Variants in CSMD1 observed in about 807,000 individuals in gnomAD.
The protein encoded by CSMD1 is CUB and Sushi multiple domains 1.
CSMD1 carries 213 observed loss-of-function variants against 417.5 expected under a neutral mutation model. The observed-to-expected ratio is 0.51, with a 90% confidence interval of 0.46 to 0.57. The LOEUF (loss-of-function observed/expected upper bound fraction) is 0.57, where lower values mean the gene tolerates loss of function less well. CSMD1 is among the 20% of genes least tolerant of loss of function. The pLI, the probability that CSMD1 is intolerant of heterozygous loss-of-function variation, is 0.00. For synonymous variants in CSMD1, 2,862 were observed against 1,736.8 expected (o/e 1.65, Z -16.11); for missense variants, 6,923 against 4,529.7 (o/e 1.53, Z -15.17).
intron 1 of CSMD1, among the ~76,000 whole-genome samples, chr8:4,915,161 T>TTA (rs1411411095): frequency 1.3e-5 from 2 of 152,128 alleles, no homozygotes; most frequent in Non-Finnish European, 2.9e-5. Flanking sequence ...ATGCTTATGA[T>TTA]TATATATATA....
chr8:3,543,127 T>A (rs1402818670), intron 10 of CSMD1, among the ~76,000 whole-genome samples: 1 of 152,154 alleles, frequency 6.6e-6, no homozygotes, highest in African/African-American at 2.4e-5. Context: ...TCCTGAAGGA[T>A]GATCCCAGAC....
intron 3 of CSMD1, among the ~76,000 whole-genome samples, chr8:4,231,053 T>C (rs892308367): frequency 6.6e-6 from 1 of 152,126 alleles, no homozygotes; most frequent in Non-Finnish European, 1.5e-5. Flanking sequence ...CGTGGGAAAA[T>C]TGGGGAAAGC....
intron 23 of CSMD1, among the ~76,000 whole-genome samples, chr8:3,341,266 T>C (rs564136286): frequency 2.0e-5 from 3 of 152,250 alleles, no homozygotes; most frequent in South Asian, 2.1e-4. Context: ...CTGGAGCACA[T>C]GGACCTTCCT....
chr8:4,971,972 G>C (rs907662150), intron 1 of CSMD1, among the ~76,000 whole-genome samples: 1 of 151,956 alleles, frequency 6.6e-6, no homozygotes, highest in Non-Finnish European at 1.5e-5. Flanking sequence ...TAATAAACAG[G>C]TGTTAGTGAT....
chr8:4,074,431 GATT>G (rs1563088829), intron 3 of CSMD1, among the ~76,000 whole-genome samples: 3 of 151,974 alleles, frequency 2.0e-5, no homozygotes, highest in Non-Finnish European at 2.9e-5. Flanking sequence ...TTTTGTACAT[GATT>G]ATTTACTTTC....
chr8:3,975,727 A>C (rs17068336), intron 5 of CSMD1, among the ~76,000 whole-genome samples: 1 of 152,220 alleles, frequency 6.6e-6, no homozygotes, highest in Non-Finnish European at 1.5e-5. Flanking sequence ...CATTACATGC[A>C]AACTTTAAAA....
intron 2 of CSMD1, among the ~76,000 whole-genome samples, chr8:4,429,544 C>T (rs547533166): frequency 1.8e-4 from 28 of 152,052 alleles, no homozygotes; most frequent in Non-Finnish European, 3.7e-4. Flanking sequence ...ATTGCAAAAG[C>T]GTGAGACTCA....
At position 3,197,462 on chromosome 8, in the gene CSMD1, ATTTTT is replaced by A. The variant is rs10549384; in HGVS notation, c.5194+2247_5194+2251del. Reference sequence around the variant, plus strand: ...ATTTTTCTATAATATAGCTCAAATAATTTTTTTTTTTTTTTTTTTTTGAGACGGAG... The same window carrying A: ...ATTTTTCTATAATATAGCTCAAATAATTTTTTTTTTTTTTTTGAGACGGAG... On this transcript the variant is annotated intron_variant, in intron 33 of 69. Transcript: ENST00000635120. Among the ~76,000 whole-genome samples, 1,052 of 114,914 alleles carry A rather than the reference ATTTTT, an allele frequency of 9.2e-3. 12 individuals carry two copies. Among genetic ancestry groups the A allele is most frequent in the African/African-American group, 0.028 (901 of 32,200 alleles). The allele number at this position is 114,914 out of a possible 152,430, so 75.4% of individuals were successfully genotyped here.
intron 5 of CSMD1, among the ~76,000 whole-genome samples, chr8:3,850,464 G>T (rs1259643071): frequency 6.6e-6 from 1 of 152,150 alleles, no homozygotes; most frequent in Non-Finnish European, 1.5e-5. Flanking sequence ...GAAGGCTGAG[G>T]CAGGCAGATA....
intron 4 of CSMD1, among the ~76,000 whole-genome samples, chr8:4,009,683 A>G (rs940300218): frequency 2.0e-5 from 3 of 152,026 alleles, no homozygotes; most frequent in African/African-American, 7.3e-5. Flanking sequence ...GGGAGATATT[A>G]TTGAGGAAGG....
At chr8:3,957,350 A>G (rs1007879285) in intron 5 of CSMD1, among the ~76,000 whole-genome samples, 3 of 152,152 alleles carry the variant, frequency 2.0e-5, no homozygotes, top group South Asian at 4.1e-4. Flanking sequence ...AGTGTGTTCT[A>G]CGTGCTAGGC....
intron 3 of CSMD1, among the ~76,000 whole-genome samples, chr8:4,073,984 G>A (rs941165776): frequency 2.6e-5 from 4 of 151,980 alleles, no homozygotes; most frequent in African/African-American, 9.7e-5. Flanking sequence ...TTTGTCATTG[G>A]CTTTGGGAAG....
At chr8:4,611,220 A>T (rs2130790833) in intron 2 of CSMD1, among the ~76,000 whole-genome samples, 1 of 152,262 alleles carries the variant, frequency 6.6e-6, no homozygotes, top group Admixed American at 6.5e-5. Flanking sequence ...ATATAAAGGA[A>T]ATCTTACAAT....
chr8:3,782,317 G>A (rs1799226651), intron 5 of CSMD1, among the ~76,000 whole-genome samples: 1 of 152,130 alleles, frequency 6.6e-6, no homozygotes, highest in African/African-American at 2.4e-5. Context: ...ATACTTGTAT[G>A]ATACTGTGGC....
intron 5 of CSMD1, among the ~76,000 whole-genome samples, chr8:3,856,136 G>C (rs928288286): frequency 1.3e-5 from 2 of 151,990 alleles, no homozygotes; most frequent in Non-Finnish European, 2.9e-5. Context: ...GGGCTTGGTG[G>C]GAGGTGACTG....
At chr8:4,158,728 C>T (rs1563201744) in intron 3 of CSMD1, among the ~76,000 whole-genome samples, 1 of 152,058 alleles carries the variant, frequency 6.6e-6, no homozygotes, top group Non-Finnish European at 1.5e-5. Context: ...TTATCACAAC[C>T]CCATGAGAAC....
intron 6 of CSMD1, among the ~76,000 whole-genome samples, chr8:3,745,764 G>A (rs1308928819): frequency 6.6e-6 from 1 of 152,198 alleles, no homozygotes; most frequent in Non-Finnish European, 1.5e-5. Context: ...AATTTCAGAA[G>A]CCTGATTCAG....
intron 2 of CSMD1, among the ~76,000 whole-genome samples, chr8:4,472,242 T>C (rs1398338006): frequency 2.0e-5 from 3 of 152,202 alleles, no homozygotes; most frequent in Admixed American, 6.5e-5. Flanking sequence ...GAATAGTTCT[T>C]ACACTTTTGC....
chr8:4,804,131 C>A (rs1033273250), intron 1 of CSMD1, among the ~76,000 whole-genome samples: 3 of 152,022 alleles, frequency 2.0e-5, no homozygotes, highest in African/African-American at 7.2e-5. Flanking sequence ...GAAACTATTT[C>A]CTTTATACAT....
Sources: allele counts gnomAD v4.1 joint callset (sites outside exome capture counted in the v4.1 genomes callset), GRCh38; gene constraint gnomAD v4.1.1; transcripts MANE v1.5; gene names NCBI Gene and HGNC (gene_info 2026-07-23, HGNC 2026-07-21).